ANAPC10: variants seen among roughly 807,000 people sequenced by gnomAD.
ANAPC10 encodes the protein anaphase promoting complex subunit 10.
Under a neutral mutation model 22.0 loss-of-function variants are expected in ANAPC10, and 12 were observed. The observed-to-expected ratio is 0.55, with a 90% CI of 0.35 to 0.88. The LOEUF is 0.88. ANAPC10 is among the 40% of genes least tolerant of loss of function. ANAPC10 has a pLI of 0.01. For synonymous variants in ANAPC10, 65 were observed against 69.5 expected, an observed-to-expected ratio of 0.94 and a Z score of 0.32; for missense variants, 188 against 220.9, an observed-to-expected ratio of 0.85 and a Z score of 0.94.
chr4:145,015,037 C>A (rs996257989), intron 4 of ANAPC10, among the ~76,000 whole-genome samples: 1 of 151,964 alleles, frequency 6.6e-6, no homozygotes, highest in Non-Finnish European at 1.5e-5. Flanking sequence ...CTCCTTAACA[C>A]CCCCCAAAAA....
At chr4:145,002,194 C>T (rs972722148) in intron 4 of ANAPC10, among the ~76,000 whole-genome samples, 1 of 152,066 alleles carries the variant, frequency 6.6e-6, no homozygotes, top group African/African-American at 2.4e-5. Flanking sequence ...TAGAAAGAAA[C>T]TGAACAAGTT....
chr4:145,074,696 T>G (rs1744945454), intron 3 of ANAPC10, among the ~76,000 whole-genome samples: 3 of 152,338 alleles, frequency 2.0e-5, no homozygotes, highest in South Asian at 4.1e-4. Flanking sequence ...TAGAGGATCA[T>G]GTAATCTAAC....
chr4:145,004,621 T>C (rs1733066761), intron 4 of ANAPC10, among the ~76,000 whole-genome samples: 1 of 152,186 alleles, frequency 6.6e-6, no homozygotes, highest in Non-Finnish European at 1.5e-5. Flanking sequence ...TGTTTTCAGT[T>C]GTTTATGTGG....
chr4:145,076,913 G>C (rs1290278653), intron 3 of ANAPC10, among the ~76,000 whole-genome samples: 1 of 152,152 alleles, frequency 6.6e-6, no homozygotes, highest in Non-Finnish European at 1.5e-5. Context: ...AAATAAAAAA[G>C]AATTTGCCAG....
At chr4:145,059,367 C>G (rs1318451670) in intron 4 of ANAPC10, among the ~76,000 whole-genome samples, 3 of 152,070 alleles carry the variant, frequency 2.0e-5, no homozygotes, top group African/African-American at 7.2e-5. Context: ...CACATGAAAC[C>G]ATGGGAAAAC....
chr4:144,999,857 A>G (rs1227188670), intron 4 of ANAPC10, among the ~76,000 whole-genome samples: 2 of 152,198 alleles, frequency 1.3e-5, no homozygotes, highest in East Asian at 3.8e-4. Context: ...AAACAGAGAT[A>G]TAGACCAATG....
chr4:145,088,747 T>C (rs951201398), intron 2 of ANAPC10, among the ~76,000 whole-genome samples: 2 of 152,236 alleles, frequency 1.3e-5, no homozygotes, highest in Non-Finnish European at 2.9e-5. Flanking sequence ...AAAAATTCTG[T>C]ATCAGATCAT....
intron 4 of ANAPC10, among the ~76,000 whole-genome samples, chr4:145,047,214 T>C (rs1740438595): frequency 3.3e-5 from 5 of 152,082 alleles, no homozygotes; most frequent in Admixed American, 3.3e-4. Context: ...CCAAACCCCA[T>C]GATTAAAGCA....
At position 145,081,657 on chromosome 4, in the gene ANAPC10, T is replaced by C. The variant is rs759023280; in HGVS notation, c.206+3A>G. ...ATGAAAAATTTGAAAATGTATTAAT[T>C]ACCTGAATTGGATGTTCACTAAATG... On this transcript the variant is annotated splice_donor_region_variant and intron_variant, in intron 3 of 4. Coordinates refer to ENST00000507656, the MANE Select transcript of ANAPC10 (RefSeq NM_001256706.2). 5.0e-6 allele frequency: 8 copies of C among 1,596,110 alleles called. No individual in the cohort carries two copies. In the South Asian group the frequency reaches 9.1e-5, roughly 18 times the overall value.
At chr4:145,036,269 C>T (rs558213634) in intron 4 of ANAPC10, among the ~76,000 whole-genome samples, 1 of 152,228 alleles carries the variant, frequency 6.6e-6, no homozygotes, top group African/African-American at 2.4e-5. Context: ...GAGCTAAATC[C>T]TGATGTGTTA....
chr4:145,005,322 CTT>C (rs1339294388), intron 4 of ANAPC10, among the ~76,000 whole-genome samples: 1 of 152,154 alleles, frequency 6.6e-6, no homozygotes, highest in Non-Finnish European at 1.5e-5. Flanking sequence ...TTACATCCCT[CTT>C]GTCATTTCTG....
In ANAPC10 at chr4:145,093,555, G is replaced by A. The variant is rs529181667; in HGVS notation, c.115+2430C>T. 2.0e-5 allele frequency among the ~76,000 whole-genome samples: 3 copies of A among 150,752 alleles called. No individual in the cohort carries two copies. In the South Asian group the frequency reaches 6.2e-4, roughly 31 times the overall value. On this transcript the variant is annotated intron_variant, in intron 2 of 4. Coordinates refer to ENST00000507656, the MANE Select transcript of ANAPC10 (RefSeq NM_001256706.2). ...AGGAATCTTAAATAACTATAACTATGAGTAAGATGTTAAAAAAAAAAAACA... is the reference window on the plus strand; with the variant it reads ...AGGAATCTTAAATAACTATAACTATAAGTAAGATGTTAAAAAAAAAAAACA...
At chr4:145,028,049 T>G (rs1364314097) in intron 4 of ANAPC10, among the ~76,000 whole-genome samples, 1 of 151,594 alleles carries the variant, frequency 6.6e-6, no homozygotes, top group African/African-American at 2.4e-5. Flanking sequence ...TAAGAGAAAA[T>G]GGGGAGGGAG....
intron 3 of ANAPC10, among the ~76,000 whole-genome samples, chr4:145,077,519 T>C (rs1056048935): frequency 6.6e-6 from 1 of 152,176 alleles, no homozygotes; most frequent in Non-Finnish European, 1.5e-5. Flanking sequence ...TAACTCATTC[T>C]ATAAGGCCAG....
At chr4:145,070,151 G>T (rs1744284389) in intron 3 of ANAPC10, among the ~76,000 whole-genome samples, 1 of 152,160 alleles carries the variant, frequency 6.6e-6, no homozygotes, top group African/African-American at 2.4e-5. Context: ...AGCAGGGCTT[G>T]GTAAGCTACA....
chr4:145,012,191 T>C (rs1734447659), intron 4 of ANAPC10, among the ~76,000 whole-genome samples: 1 of 148,112 alleles, frequency 6.8e-6, no homozygotes. Context: ...TATATATATA[T>C]ATATACACAC....
chr4:145,045,230 T>C (rs564364555), intron 4 of ANAPC10, among the ~76,000 whole-genome samples: 1 of 152,218 alleles, frequency 6.6e-6, no homozygotes, highest in South Asian at 2.1e-4. Context: ...CCAGGTAATG[T>C]GAATAAGTAC....
At position 145,084,350 on chromosome 4, in the gene ANAPC10, C is replaced by T. The variant is rs184383334; in HGVS notation, c.116-2600G>A. On this transcript the variant is annotated intron_variant, in intron 2 of 4. Coordinates refer to ENST00000507656, the MANE Select transcript of ANAPC10 (RefSeq NM_001256706.2). ...CAGGGGCATTCAGCAAAGAGATAAG[C>T]ATATAATGTCATGAATCAAGAAAAA... 2.6e-3 allele frequency among the ~76,000 whole-genome samples: 392 copies of T among 152,234 alleles called. 2 individuals are homozygous for T. Among genetic ancestry groups the T allele is most frequent in the African/African-American group, 8.6e-3 (359 of 41,532 alleles).
At chr4:145,069,063 A>C (rs535109417) in intron 3 of ANAPC10, among the ~76,000 whole-genome samples, 2 of 152,362 alleles carry the variant, frequency 1.3e-5, no homozygotes, top group African/African-American at 4.8e-5. Context: ...AAAATAAAAT[A>C]AAACAAGAAA....
Sources: gnomAD v4.1 joint callset for allele counts (sites outside exome capture counted in the v4.1 genomes callset) on GRCh38, gnomAD v4.1.1 for gene constraint, MANE v1.5 for transcripts, NCBI Gene and HGNC (gene_info 2026-07-23, HGNC 2026-07-21) for gene names.